CLVS1: variants seen among roughly 807,000 people sequenced by gnomAD.
The protein encoded by CLVS1 is clavesin-1.
Under a neutral mutation model 33.1 loss-of-function variants are expected in CLVS1, and 10 were observed. The ratio of observed to expected loss-of-function variants is 0.30; its 90% confidence interval spans 0.19 to 0.51. CLVS1 has a LOEUF of 0.51. Ranked by LOEUF, CLVS1 falls within the 20% of genes least tolerant of loss-of-function variation. The probability of loss-of-function intolerance (pLI) is 0.97; values close to 1 mark genes in which losing one functional copy is unlikely to be tolerated. For synonymous variants in CLVS1, 163 were observed against 166.1 expected (o/e 0.98, Z 0.14); for missense variants, 343 against 433.4 (o/e 0.79, Z 1.85).
At chr8:61,040,150 C>A in the CLVS1 span, among the ~76,000 whole-genome samples, 1 of 152,172 alleles carries the variant, frequency 6.6e-6, no homozygotes, top group African/African-American at 2.4e-5. Context: ...CAGCTACATC[C>A]ATATTTCTGC....
intron 1 of CLVS1, among the ~76,000 whole-genome samples, chr8:61,076,639 T>C (rs1188568728): frequency 2.6e-5 from 4 of 152,372 alleles, no homozygotes; most frequent in South Asian, 2.1e-4. Context: ...AAGCATTCAT[T>C]CATGCCCCAG....
chr8:61,341,031 G>T (rs1342690510), intron 2 of CLVS1, among the ~76,000 whole-genome samples: 1 of 152,194 alleles, frequency 6.6e-6, no homozygotes, highest in Non-Finnish European at 1.5e-5. Flanking sequence ...AAACATCACA[G>T]GCAGGATGCA....
At position 61,085,926 on chromosome 8, in the gene CLVS1, C is replaced by T. The variant is rs958338170; in HGVS notation, c.-243+28696C>T. On this transcript the variant is annotated intron_variant, in intron 1 of 2. Transcript: ENST00000522621. ...TGGCGGGCGCCTGTAGTCCCAGCTG[C>T]TCGGGAGGCTGATGCAGCAGAATGG... 1.5e-4 allele frequency among the ~76,000 whole-genome samples: 22 copies of T among 151,636 alleles called. No individual in the cohort carries two copies. The Middle Eastern group carries it at 0.01, about 70-fold the overall frequency.
At chr8:61,209,786 AG>A in intron 2 of CLVS1, among the ~76,000 whole-genome samples, 1 of 152,218 alleles carries the variant, frequency 6.6e-6, no homozygotes, top group East Asian at 1.9e-4. Context: ...TCAGTGTGGT[AG>A]GCAGAATTCA....
chr8:61,090,804 A>G lies in CLVS1; in HGVS notation c.-243+33574A>G. On this transcript the variant is annotated intron_variant, in intron 1 of 2. Transcript: ENST00000522621. ...GAAGAATTTTCCTCTAGGATGGATT[A>G]TATGCAGATTCATCTGTACCCGATT... 3 of 504,188 alleles carry G rather than the reference A, an allele frequency of 6.0e-6. No individual in the cohort carries two copies. The Admixed American group carries it at 6.1e-5, about 10-fold the overall frequency. 31.2% of individuals were successfully genotyped at this position (504,188 alleles called of 1,614,324 possible).
intron 2 of CLVS1, among the ~76,000 whole-genome samples, chr8:61,250,320 G>A (rs1297864732): frequency 6.6e-6 from 1 of 152,186 alleles, no homozygotes; most frequent in Non-Finnish European, 1.5e-5. Flanking sequence ...GGTTACTGTT[G>A]CCTTGTAGTA....
intron 3 of CLVS1, among the ~76,000 whole-genome samples, chr8:61,420,229 G>A (rs1225048943): frequency 6.6e-6 from 1 of 152,030 alleles, no homozygotes; most frequent in African/African-American, 2.4e-5. Flanking sequence ...CCTTTCATAG[G>A]GTTGCTACAA....
At chr8:61,347,447 G>T (rs1283890529) in intron 2 of CLVS1, among the ~76,000 whole-genome samples, 1 of 151,732 alleles carries the variant, frequency 6.6e-6, no homozygotes, top group Non-Finnish European at 1.5e-5. Flanking sequence ...AGAGTAGAGT[G>T]ATGGTTACCA....
chr8:61,339,297 T>C (rs1423040339), intron 2 of CLVS1, among the ~76,000 whole-genome samples: 1 of 152,102 alleles, frequency 6.6e-6, no homozygotes, highest in Non-Finnish European at 1.5e-5. Flanking sequence ...CCCAGTCCCT[T>C]GCATGGTGGG....
chr8:61,230,756 C>G (rs1037562942), intron 2 of CLVS1, among the ~76,000 whole-genome samples: 1 of 152,082 alleles, frequency 6.6e-6, no homozygotes, highest in Non-Finnish European at 1.5e-5. Context: ...ACAAAAATAC[C>G]ATAAACTAGG....
At chr8:61,296,096 A>G (rs1487082502) in intron 1 of CLVS1, among the ~76,000 whole-genome samples, 1 of 152,196 alleles carries the variant, frequency 6.6e-6, no homozygotes, top group Non-Finnish European at 1.5e-5. Flanking sequence ...CATTCTTCAT[A>G]CAGCCTTTCT....
rs144694994 is a variant in CLVS1 at position 61,088,348 on chromosome 8, G to A, written c.-243+31118G>A. Among the ~76,000 whole-genome samples, 64 of 152,184 alleles carry A rather than the reference G, an allele frequency of 4.2e-4. No individual in the cohort carries two copies. In the East Asian group the frequency reaches 7.9e-3, roughly 19 times the overall value. On this transcript the variant is annotated intron_variant, in intron 1 of 2. Transcript: ENST00000522621. ...TATTTAAAATACAAAAAATTAGCCA[G>A]GCATGGTGACGCTCACCTGTAATCC...
At chr8:61,180,697 A>T (rs144197973) in intron 2 of CLVS1, among the ~76,000 whole-genome samples, 8,574 of 152,338 alleles carry the variant, frequency 0.056, 282 homozygotes, top group African/African-American at 0.079. Flanking sequence ...ATGCAAATCA[A>T]TAAACGTAAT....
intron 2 of CLVS1, among the ~76,000 whole-genome samples, chr8:61,241,955 G>T (rs1808705596): frequency 6.6e-6 from 1 of 151,426 alleles, no homozygotes; most frequent in Non-Finnish European, 1.5e-5. Context: ...TTTCTCCAGT[G>T]CTTTAAACGT....
the CLVS1 span, among the ~76,000 whole-genome samples, chr8:61,044,309 C>T: frequency 6.6e-6 from 1 of 152,108 alleles, no homozygotes; most frequent in African/African-American, 2.4e-5. Context: ...TCTTGACATG[C>T]TATTGGGCAC....
chr8:61,160,678 T>A (rs1211144391), intron 2 of CLVS1, among the ~76,000 whole-genome samples: 1 of 152,158 alleles, frequency 6.6e-6, no homozygotes, highest in Non-Finnish European at 1.5e-5. Flanking sequence ...AATAAATGAC[T>A]TTTTTTGGTG....
intron 2 of CLVS1, among the ~76,000 whole-genome samples, chr8:61,319,916 A>T (rs1811135640): frequency 5.9e-5 from 9 of 152,246 alleles, no homozygotes; most frequent in African/African-American, 2.2e-4. Context: ...CTATCTTAAT[A>T]AAAAAGTTAT....
chr8:61,170,673 C>T (rs937045827), intron 2 of CLVS1, among the ~76,000 whole-genome samples: 2 of 152,144 alleles, frequency 1.3e-5, no homozygotes, highest in Non-Finnish European at 1.5e-5. Context: ...ACTGGAAAAA[C>T]GGAGAATAAT....
intron 2 of CLVS1, among the ~76,000 whole-genome samples, chr8:61,149,119 A>G (rs1352546006): frequency 2.0e-5 from 3 of 152,164 alleles, no homozygotes; most frequent in Admixed American, 6.5e-5. Context: ...TATAATCTCC[A>G]TGAAGCAAGG....
Sources: gnomAD v4.1 joint callset for allele counts (sites outside exome capture counted in the v4.1 genomes callset) on GRCh38, gnomAD v4.1.1 for gene constraint, MANE v1.5 for transcripts, NCBI Gene and HGNC (gene_info 2026-07-23, HGNC 2026-07-21) for gene names.